CADM1: variants seen among roughly 807,000 people sequenced by gnomAD.
CADM1 encodes cell adhesion molecule 1.
Under a neutral mutation model 53.1 loss-of-function variants are expected in CADM1, and 15 were observed. The observed-to-expected ratio is 0.28, with a 90% CI of 0.19 to 0.44. CADM1 has a LOEUF of 0.44. CADM1 is among the 20% of genes least tolerant of loss of function. The probability of loss-of-function intolerance (pLI) is 1.00; values close to 1 mark genes in which losing one functional copy is unlikely to be tolerated. For missense variants in CADM1, 434 were observed against 611.3 expected (o/e 0.71, Z 3.06); for synonymous variants, 281 against 243.0 (o/e 1.16, Z -1.45).
intron 6 of CADM1, among the ~76,000 whole-genome samples, chr11:115,215,684 C>A (rs1941151192): frequency 6.6e-6 from 1 of 152,192 alleles, no homozygotes; most frequent in Non-Finnish European, 1.5e-5. Flanking sequence ...GCTAAAAATG[C>A]ATACACACCA....
intron 1 of CADM1, among the ~76,000 whole-genome samples, chr11:115,499,446 T>C (rs1949687011): frequency 6.6e-6 from 1 of 152,264 alleles, no homozygotes; most frequent in Non-Finnish European, 1.5e-5. Context: ...AAAGACAATA[T>C]TACCAAGAAC....
chr11:115,215,955 C>T (rs1281929999), intron 6 of CADM1, among the ~76,000 whole-genome samples: 4 of 152,178 alleles, frequency 2.6e-5, no homozygotes, highest in African/African-American at 7.2e-5. Flanking sequence ...TGTGAAGTTA[C>T]AATTTTTCTT....
chr11:115,175,691 T>C lies in CADM1; in HGVS notation c.*783A>G, dbSNP rs1409512813. 1 of 987,602 alleles carries C rather than the reference T, an allele frequency of 1.0e-6. No homozygotes were observed. The highest frequency in any genetic ancestry group is 1.2e-6 in the Non-Finnish European group (1 of 831,290). The allele number at this position is 987,602 out of a possible 1,614,324, so 61.2% of individuals were successfully genotyped here. On this transcript the variant is annotated 3_prime_UTR_variant, in exon 12 of 12. Transcript: ENST00000331581. ...GTATCTATACTGAGCCGTCTACAGA[T>C]ACAGAATTAAAGACAGTGAAATTCA... is the stretch of plus-strand genomic sequence containing the variant.
chr11:115,353,946 G>A (rs1945799594), intron 1 of CADM1, among the ~76,000 whole-genome samples: 1 of 152,132 alleles, frequency 6.6e-6, no homozygotes. Context: ...CTAGGCTACG[G>A]CCAGACTGTG....
At chr11:115,234,477 ACT>A (rs985833300) in intron 3 of CADM1, among the ~76,000 whole-genome samples, 17 of 152,068 alleles carry the variant, frequency 1.1e-4, no homozygotes, top group African/African-American at 4.1e-4. Context: ...GATAAATTCT[ACT>A]CTGTAACTCT....
chr11:115,242,759 G>A (rs1942285172), intron 1 of CADM1, among the ~76,000 whole-genome samples: 1 of 152,172 alleles, frequency 6.6e-6, no homozygotes, highest in Admixed American at 6.5e-5. Context: ...CATGTGGAAA[G>A]GCCTGGTGAC....
At chr11:115,424,851 AAAC>A (rs562893813) in intron 1 of CADM1, among the ~76,000 whole-genome samples, 1 of 152,142 alleles carries the variant, frequency 6.6e-6, no homozygotes, top group African/African-American at 2.4e-5. Flanking sequence ...CTATATATAC[AAAC>A]AACAACAACA....
rs1028164974 is a variant in CADM1, at chr11:115,454,081, C to A, written c.124+50190G>T. ...AAAATAAAACAAAACAAAAAAAAAACAAAGCCTTGCCTCTTCATGGATTTG... is the reference window on the plus strand; with the variant it reads ...AAAATAAAACAAAACAAAAAAAAAAAAAAGCCTTGCCTCTTCATGGATTTG... On this transcript the variant is annotated intron_variant, in intron 1 of 11. Coordinates refer to ENST00000331581, the MANE Select transcript of CADM1 (RefSeq NM_001301043.2). Among the ~76,000 whole-genome samples the A allele has an allele frequency of 3.7e-3, 554 of 148,984 alleles. 4 individuals carry two copies. Among genetic ancestry groups the A allele is most frequent in the Non-Finnish European group, 4.5e-3 (303 of 66,954 alleles).
chr11:115,277,620 T>A (rs1376589671), intron 1 of CADM1, among the ~76,000 whole-genome samples: 1 of 152,198 alleles, frequency 6.6e-6, no homozygotes, highest in Non-Finnish European at 1.5e-5. Flanking sequence ...TTATACGCCA[T>A]CCTCATGCTT....
At chr11:115,198,580 A>C in intron 8 of CADM1, 142 bp from the exon 9 acceptor site, 1 of 678,058 alleles carries the variant, frequency 1.5e-6, no homozygotes, top group Non-Finnish European at 2.6e-6. Context: ...ATAATAAATG[A>C]AAAGCAAAAA....
intron 1 of CADM1, among the ~76,000 whole-genome samples, chr11:115,446,627 A>G (rs1000335657): frequency 6.6e-6 from 1 of 152,352 alleles, no homozygotes; most frequent in Non-Finnish European, 1.5e-5. Context: ...TCTAAAAGTT[A>G]TAGTGTAAAT....
At chr11:115,221,168 G>T (rs1941392264) in intron 5 of CADM1, among the ~76,000 whole-genome samples, 1 of 152,102 alleles carries the variant, frequency 6.6e-6, no homozygotes, top group African/African-American at 2.4e-5. Flanking sequence ...ACTCAGAATG[G>T]CTTAATGTCA....
At chr11:115,293,381 G>A (rs558469737) in intron 1 of CADM1, among the ~76,000 whole-genome samples, 5 of 152,142 alleles carry the variant, frequency 3.3e-5, no homozygotes, top group East Asian at 3.9e-4. Flanking sequence ...TGCAGTGAGC[G>A]GAGATGGCGC....
At chr11:115,259,429 C>T (rs1267181809) in intron 1 of CADM1, among the ~76,000 whole-genome samples, 1 of 150,570 alleles carries the variant, frequency 6.6e-6, no homozygotes. Context: ...CCTCAGCCCC[C>T]CAAGTGGCTG....
intron 1 of CADM1, among the ~76,000 whole-genome samples, chr11:115,242,336 G>GAAAAAAAA (rs200660668): frequency 8.7e-5 from 5 of 57,610 alleles, no homozygotes; most frequent in Non-Finnish European, 1.1e-4. Context: ...AAGGTGATCA[G>GAAAAAAAA]AAAAAAAAAA....
chr11:115,470,584 T>C (rs1162541232), intron 1 of CADM1, among the ~76,000 whole-genome samples: 1 of 152,194 alleles, frequency 6.6e-6, no homozygotes, highest in African/African-American at 2.4e-5. Flanking sequence ...TGAAGCCCTG[T>C]ACAAATTAGG....
At chr11:115,259,031 G>T (rs1181960312) in intron 1 of CADM1, among the ~76,000 whole-genome samples, 1 of 151,964 alleles carries the variant, frequency 6.6e-6, no homozygotes, top group Non-Finnish European at 1.5e-5. Context: ...TGTCACCATG[G>T]CTGGAGTACA....
At chr11:115,465,565 A>G (rs1038910739) in intron 1 of CADM1, among the ~76,000 whole-genome samples, 3 of 152,196 alleles carry the variant, frequency 2.0e-5, no homozygotes, top group Non-Finnish European at 4.4e-5. Context: ...AAGCATATAG[A>G]TATAAAGATA....
At chr11:115,234,601 G>C (rs1379947867) in intron 3 of CADM1, among the ~76,000 whole-genome samples, 1 of 152,096 alleles carries the variant, frequency 6.6e-6, no homozygotes, top group Non-Finnish European at 1.5e-5. Flanking sequence ...AGAAGCATTA[G>C]AAAATGTGCC....
Sources: allele counts gnomAD v4.1 joint callset (sites outside exome capture counted in the v4.1 genomes callset), GRCh38; gene constraint gnomAD v4.1.1; transcripts MANE v1.5; gene names NCBI Gene and HGNC (gene_info 2026-07-23, HGNC 2026-07-21).